The following ZFAT variants were observed in gnomAD, a reference collection of about 807,000 sequenced individuals.
ZFAT encodes the protein zinc finger protein ZFAT.
In ZFAT, 64 loss-of-function variants were observed where a neutral mutation model predicts 117.7. The ratio of observed to expected loss-of-function variants is 0.54; its 90% CI spans 0.44 to 0.67. The LOEUF is 0.67. Ranked by LOEUF, ZFAT falls within the 30% of genes least tolerant of loss-of-function variation. The probability of loss-of-function intolerance (pLI) is 0.00; values close to 1 mark genes in which losing one functional copy is unlikely to be tolerated. For missense variants in ZFAT, 1,433 were observed against 1,584.5 expected, an observed-to-expected ratio of 0.90 and a Z score of 1.62; for synonymous variants, 679 against 615.0, an observed-to-expected ratio of 1.10 and a Z score of -1.54.
chr8:134,721,680 T>A, the ZFAT span, among the ~76,000 whole-genome samples: 2 of 152,222 alleles, frequency 1.3e-5, no homozygotes, highest in Non-Finnish European at 1.5e-5. Flanking sequence ...CCAAATGTCC[T>A]TGCTCTGTGA....
intron 11 of ZFAT, among the ~76,000 whole-genome samples, chr8:134,537,042 A>G (rs1169150607): frequency 1.3e-5 from 2 of 152,244 alleles, no homozygotes; most frequent in Non-Finnish European, 2.9e-5. Context: ...GTTCTTAACC[A>G]AAGTAATGAG....
chr8:134,705,263 T>C (rs1834118231), intron 1 of ZFAT, among the ~76,000 whole-genome samples: 1 of 152,088 alleles, frequency 6.6e-6, no homozygotes, highest in South Asian at 2.1e-4. Context: ...TGCAATGGCA[T>C]GTTCACAGCT....
At chr8:134,532,260 C>T (rs554554047) in intron 12 of ZFAT, among the ~76,000 whole-genome samples, 12 of 152,192 alleles carry the variant, frequency 7.9e-5, no homozygotes, top group African/African-American at 2.9e-4. Context: ...AAGTAACAAG[C>T]TTACTTAATA....
In ZFAT at chr8:134,602,289, A is replaced by T; in HGVS notation, c.1430T>A (p.Ile477Asn). ...CTGGGCAGCCCCGTGCACCTCTTTGATGTGGGTGCGCAGCCTGATGGAGCT... is the reference window on the plus strand; with the variant it reads ...CTGGGCAGCCCCGTGCACCTCTTTGTTGTGGGTGCGCAGCCTGATGGAGCT... ...FVSSIRLRTH[I>N]KEVHGAAQEA... The change falls in exon 6 of 16, where the codon ATC (isoleucine) becomes AAC (asparagine). Residue 477 changes from isoleucine (I) to asparagine (N), a missense_variant. This residue lies in a region of ZFAT where 372 missense variants were observed against 355.6 expected (regional missense o/e 1.05). Coordinates refer to ENST00000377838, the MANE Select transcript of ZFAT (RefSeq NM_020863.4). 6.2e-7 allele frequency: 1 copy of T among 1,613,910 alleles called. No homozygotes were observed. The highest frequency in any genetic ancestry group is 8.5e-7 in the Non-Finnish European group (1 of 1,180,048).
the ZFAT span, among the ~76,000 whole-genome samples, chr8:134,819,499 C>G: frequency 1.3e-4 from 9 of 67,426 alleles, no homozygotes; most frequent in Admixed American, 3.3e-4. Flanking sequence ...ATTTACCACC[C>G]CCCCCCCCCG....
chr8:134,516,029 G>T (rs1170516841), intron 13 of ZFAT, among the ~76,000 whole-genome samples: 2 of 152,162 alleles, frequency 1.3e-5, no homozygotes, highest in African/African-American at 4.8e-5. Flanking sequence ...ATCTAAATGA[G>T]GTTCACACAT....
Position 134,666,564 on chromosome 8 carries a change from G to T in ZFAT, c.20-8827C>A, listed in dbSNP as rs542315736. 1.1e-4 allele frequency among the ~76,000 whole-genome samples: 16 copies of T among 152,236 alleles called. No homozygotes were observed. In the East Asian group the frequency reaches 3.1e-3, roughly 29 times the overall value. On this transcript the variant is annotated intron_variant, in intron 1 of 15. Coordinates refer to ENST00000377838, the MANE Select transcript of ZFAT (RefSeq NM_020863.4). ...TGACTTCATGATTAAGGATAAGCCTGTCTACAACAAGCGAAAAAACATTGT... is the reference window on the plus strand; with the variant it reads ...TGACTTCATGATTAAGGATAAGCCTTTCTACAACAAGCGAAAAAACATTGT...
chr8:134,595,667 G>A (rs1014265579), intron 7 of ZFAT, among the ~76,000 whole-genome samples: 2 of 152,158 alleles, frequency 1.3e-5, no homozygotes, highest in African/African-American at 4.8e-5. Flanking sequence ...CTCTTGACTA[G>A]GTCCCCATAT....
intron 1 of ZFAT, among the ~76,000 whole-genome samples, chr8:134,667,318 C>G (rs555870090): frequency 2.4e-4 from 36 of 152,124 alleles, no homozygotes; most frequent in Non-Finnish European, 4.9e-4. Context: ...CAGTGAAACT[C>G]TGTCTCTACT....
At chr8:134,761,127 C>G in the ZFAT span, among the ~76,000 whole-genome samples, 1 of 152,224 alleles carries the variant, frequency 6.6e-6, no homozygotes, top group Non-Finnish European at 1.5e-5. Flanking sequence ...GAAAGCCCTG[C>G]TGATTGGTGT....
the ZFAT span, among the ~76,000 whole-genome samples, chr8:134,773,984 ATTTTTTT>A: frequency 1.4e-4 from 14 of 103,300 alleles, 1 homozygote; most frequent in African/African-American, 4.3e-4. Context: ...TTGAGGATTA[ATTTTTTT>A]TTTTTTTTTT....
At chr8:134,550,848 C>A (rs1029292435) in intron 11 of ZFAT, among the ~76,000 whole-genome samples, 3 of 152,166 alleles carry the variant, frequency 2.0e-5, no homozygotes, top group African/African-American at 7.2e-5. Flanking sequence ...CTCCCAACCC[C>A]ACCCGCCACG....
Position 134,618,309 on chromosome 8 carries a change from A to G in ZFAT, c.449-7654T>C, listed in dbSNP as rs375111787. Among the ~76,000 whole-genome samples the G allele has an allele frequency of 9.2e-5, 14 of 152,300 alleles. No homozygotes were observed. The East Asian group carries it at 2.7e-3, about 29-fold the overall frequency. Reference sequence around the variant, plus strand: ...TTCGTCATCTTGTGCAATCGTGGCAACAGAAGAGAGGTGCAGCACTGGGGT... The same window carrying G: ...TTCGTCATCTTGTGCAATCGTGGCAGCAGAAGAGAGGTGCAGCACTGGGGT... On this transcript the variant is annotated intron_variant, in intron 3 of 15. Coordinates refer to ENST00000377838, the MANE Select transcript of ZFAT (RefSeq NM_020863.4).
At chr8:134,693,659 G>A (rs1016098051) in intron 1 of ZFAT, among the ~76,000 whole-genome samples, 2 of 151,980 alleles carry the variant, frequency 1.3e-5, no homozygotes, top group Non-Finnish European at 2.9e-5. Context: ...TAGTAAATGC[G>A]GAAGAAATGA....
chr8:134,802,844 G>T, the ZFAT span, among the ~76,000 whole-genome samples: 1 of 152,136 alleles, frequency 6.6e-6, no homozygotes, highest in South Asian at 2.1e-4. Context: ...GACAAATACT[G>T]ATGATCTAAC....
intron 15 of ZFAT, among the ~76,000 whole-genome samples, chr8:134,497,236 T>C (rs1818514243): frequency 6.6e-6 from 1 of 152,180 alleles, no homozygotes; most frequent in African/African-American, 2.4e-5. Flanking sequence ...AAAGTAAGGG[T>C]TGCTGTGATG....
chr8:134,608,560 G>A (rs1391941176), intron 5 of ZFAT, among the ~76,000 whole-genome samples, 169 bp downstream of exon 5: 1 of 152,118 alleles, frequency 6.6e-6, no homozygotes, highest in South Asian at 2.1e-4. Flanking sequence ...AGCACACCGA[G>A]GGCTGCCATG....
chr8:134,578,479 G>C (rs545707916), intron 10 of ZFAT, among the ~76,000 whole-genome samples: 74 of 151,940 alleles, frequency 4.9e-4, no homozygotes, highest in Admixed American at 2.4e-3. Flanking sequence ...GGGAGAGTAG[G>C]AGAAGACATC....
At chr8:134,611,420 A>G (rs139220646) in intron 3 of ZFAT, among the ~76,000 whole-genome samples, 349 of 152,380 alleles carry the variant, frequency 2.3e-3, no homozygotes, top group African/African-American at 8.1e-3. Flanking sequence ...CCGTGTGGTG[A>G]CAACTCCATA....
Sources: allele counts gnomAD v4.1 joint callset (sites outside exome capture counted in the v4.1 genomes callset), GRCh38; gene constraint gnomAD v4.1.1; regional missense constraint gnomAD v4.1.1; transcripts MANE v1.5; gene names NCBI Gene and HGNC (gene_info 2026-07-23, HGNC 2026-07-21).